PTPN9: variants seen among roughly 807,000 people sequenced by gnomAD.
PTPN9 encodes tyrosine-protein phosphatase non-receptor type 9.
PTPN9 carries 26 observed loss-of-function variants against 69.8 expected under a neutral mutation model. The ratio of observed to expected loss-of-function variants is 0.37; its 90% CI spans 0.27 to 0.52. PTPN9 has a LOEUF of 0.52. PTPN9 is among the 20% of genes least tolerant of loss of function. The probability of loss-of-function intolerance (pLI) is 0.91; values close to 1 mark genes in which losing one functional copy is unlikely to be tolerated. For synonymous variants in PTPN9, 274 were observed against 272.5 expected (o/e 1.01, Z -0.05); for missense variants, 549 against 740.3 (o/e 0.74, Z 3.00).
intron 1 of PTPN9, among the ~76,000 whole-genome samples, chr15:75,573,734 T>C (rs2075159314): frequency 1.3e-5 from 2 of 152,226 alleles, no homozygotes; most frequent in African/African-American, 4.8e-5. Flanking sequence ...GCAATGTGCA[T>C]ATGATGGGGA....
chr15:75,537,617 T>C (rs1484725245), intron 1 of PTPN9, among the ~76,000 whole-genome samples: 6 of 148,038 alleles, frequency 4.1e-5, no homozygotes, highest in African/African-American at 1.5e-4. Flanking sequence ...TAGCTGGGCG[T>C]GGTGGTGCGC....
rs1207171976 is a variant in PTPN9 at position 75,470,843 on chromosome 15, A to G, written c.1209-13T>C. The stretch of plus-strand genomic sequence containing the variant: ...GCCTTCCTCAAAGCTGAAGACACAC[A>G]GAGCAAGGTAAGCCTTCCATCGTTC... On this transcript the variant is annotated splice_polypyrimidine_tract_variant and intron_variant, in intron 10 of 12. Transcript: ENST00000618819. 6 of 1,612,852 alleles carry G rather than the reference A, an allele frequency of 3.7e-6. No homozygotes were observed. Among genetic ancestry groups the G allele is most frequent in the Non-Finnish European group, 5.1e-6 (6 of 1,179,384 alleles).
chr15:75,492,098 C>G lies in PTPN9; in HGVS notation c.969-1797G>C, dbSNP rs190110395. ...ACATTGCCCAGGCTGGTCTCAAACT[C>G]CTGGGCTCAAGCAATCCTCCCGCCT... On this transcript the variant is annotated intron_variant, in intron 7 of 12. Coordinates refer to ENST00000618819, the MANE Select transcript of PTPN9 (RefSeq NM_002833.4). Among the ~76,000 whole-genome samples the G allele has an allele frequency of 2.7e-4, 41 of 152,152 alleles. 1 individual carries two copies. The East Asian group carries it at 7.7e-3, about 29-fold the overall frequency.
intron 1 of PTPN9, among the ~76,000 whole-genome samples, chr15:75,537,318 C>T (rs1298138503): frequency 2.9e-5 from 4 of 139,758 alleles, no homozygotes; most frequent in Non-Finnish European, 4.6e-5. Flanking sequence ...TGCCATTGCA[C>T]TCCAGCCTGG....
chr15:75,479,727 G>T, intron 9 of PTPN9, 121 bp downstream of exon 9: 1 of 778,362 alleles, frequency 1.3e-6, no homozygotes, highest in Non-Finnish European at 2.0e-6. Context: ...TAAAAGGCCA[G>T]GATCTAGTGG....
At chr15:75,484,853 T>C (rs1567472718) in intron 8 of PTPN9, among the ~76,000 whole-genome samples, 1 of 152,180 alleles carries the variant, frequency 6.6e-6, no homozygotes, top group Non-Finnish European at 1.5e-5. Context: ...CAGTATCCCA[T>C]AGCTAACCTC....
chr15:75,510,397 T>G (rs112045039), intron 5 of PTPN9, among the ~76,000 whole-genome samples: 262 of 152,050 alleles, frequency 1.7e-3, no homozygotes, highest in African/African-American at 6.1e-3. Flanking sequence ...GCCACTACAC[T>G]TGGCTAATTT....
intron 1 of PTPN9, among the ~76,000 whole-genome samples, chr15:75,574,289 A>G (rs1243509767): frequency 2.1e-5 from 3 of 145,866 alleles, no homozygotes; most frequent in Non-Finnish European, 3.1e-5. Context: ...TGTCTCCACA[A>G]AAAAAAAAAA....
intron 7 of PTPN9, among the ~76,000 whole-genome samples, chr15:75,491,702 C>G (rs1226753105): frequency 6.6e-6 from 1 of 152,022 alleles, no homozygotes; most frequent in Non-Finnish European, 1.5e-5. Context: ...TGATACTGAT[C>G]AGAAAACTGG....
intron 12 of PTPN9, 87 bp from the exon 13 acceptor site, chr15:75,469,070 G>T: frequency 8.1e-7 from 1 of 1,234,034 alleles, no homozygotes; most frequent in Non-Finnish European, 1.1e-6. Context: ...CTGAATGAAT[G>T]ACTTCACAGG....
intron 7 of PTPN9, among the ~76,000 whole-genome samples, chr15:75,500,829 G>A (rs2074768714): frequency 6.6e-6 from 1 of 152,020 alleles, no homozygotes; most frequent in Non-Finnish European, 1.5e-5. Flanking sequence ...GGAGGCTGCA[G>A]TGAGCCATGA....
intron 1 of PTPN9, among the ~76,000 whole-genome samples, chr15:75,562,480 AGAGT>A (rs1365903698): frequency 6.6e-6 from 1 of 152,172 alleles, no homozygotes; most frequent in African/African-American, 2.4e-5. Context: ...GTTAACCAGA[AGAGT>A]GAGTCTCAGC....
rs765097713 is a variant in PTPN9 at position 75,490,210 on chromosome 15, G to C, written c.1060C>G (p.Gln354Glu). ...AAAGATTACATTTATCTGTCTACCT[G>C]AGTATGGCCACTTCGCTTTGTTAGC... ...VKLTKRSGHTQTDYINASFMD... is the reference protein window; with the variant it reads ...VKLTKRSGHTETDYINASFMD... The change falls in exon 8 of 13, where the codon CAG becomes GAG. Residue 354 changes from glutamine (Q) to glutamate (E), a missense_variant and splice_region_variant. Physicochemically the swap from Gln to Glu is conservative, Grantham distance 29. Around this residue, in one of 3 missense-constraint regions of PTPN9, gnomAD observed 457 missense variants for 661.9 expected, o/e 0.69. Transcript: ENST00000618819. The C allele has an allele frequency of 1.4e-5, 23 of 1,603,534 alleles. No individual in the cohort carries two copies. The South Asian group carries it at 2.4e-4, about 17-fold the overall frequency.
chr15:75,497,020 T>C (rs2074746586), intron 7 of PTPN9, among the ~76,000 whole-genome samples: 1 of 152,150 alleles, frequency 6.6e-6, no homozygotes, highest in Non-Finnish European at 1.5e-5. Context: ...GTCACACATA[T>C]AAAATAATAC....
chr15:75,511,388 G>GCCAC (rs1325245765), intron 5 of PTPN9, among the ~76,000 whole-genome samples: 2 of 151,864 alleles, frequency 1.3e-5, no homozygotes, highest in African/African-American at 2.4e-5. Flanking sequence ...AGTAGCATGT[G>GCCAC]CCACCATGCC....
At chr15:75,545,094 G>T (rs1164488924) in intron 1 of PTPN9, among the ~76,000 whole-genome samples, 1 of 152,180 alleles carries the variant, frequency 6.6e-6, no homozygotes, top group African/African-American at 2.4e-5. Flanking sequence ...TTGGGAAGAT[G>T]CAGGGGCCAA....
chr15:75,514,937 C>T (rs1355526900), intron 5 of PTPN9, among the ~76,000 whole-genome samples: 1 of 152,158 alleles, frequency 6.6e-6, no homozygotes, highest in Non-Finnish European at 1.5e-5. Flanking sequence ...TGGAAATCTT[C>T]ACACATGGCA....
At chr15:75,528,333 A>C (rs1291458980) in intron 1 of PTPN9, among the ~76,000 whole-genome samples, 1 of 152,050 alleles carries the variant, frequency 6.6e-6, no homozygotes, top group African/African-American at 2.4e-5. Flanking sequence ...TTTCCTTTTT[A>C]GACAAACTAC....
At chr15:75,549,866 C>T (rs1184276548) in intron 1 of PTPN9, among the ~76,000 whole-genome samples, 6 of 151,920 alleles carry the variant, frequency 3.9e-5, no homozygotes, top group African/African-American at 9.7e-5. Flanking sequence ...CCCAGCTACT[C>T]GGGAGGCTGA....
Sources: gnomAD v4.1 joint callset for allele counts (sites outside exome capture counted in the v4.1 genomes callset) on GRCh38, gnomAD v4.1.1 for gene constraint, gnomAD v4.1.1 regional missense constraint, MANE v1.5 for transcripts, NCBI Gene and HGNC (gene_info 2026-07-23, HGNC 2026-07-21) for gene names.